Variants in PTPRK observed in about 807,000 individuals in gnomAD.
The protein encoded by PTPRK is protein tyrosine phosphatase receptor type K.
In PTPRK, 75 loss-of-function variants were observed where a neutral mutation model predicts 178.0. The ratio of observed to expected loss-of-function variants is 0.42; its 90% CI spans 0.35 to 0.51. The LOEUF (loss-of-function observed/expected upper bound fraction) is 0.51, where lower values mean the gene tolerates loss of function less well. Among genes scored for constraint, PTPRK ranks in the 20% least tolerant of loss-of-function variants. The probability of loss-of-function intolerance (pLI) is 0.02; values close to 1 mark genes in which losing one functional copy is unlikely to be tolerated. For synonymous variants in PTPRK, 637 were observed against 620.6 expected, an observed-to-expected ratio of 1.03 and a Z score of -0.39; for missense variants, 1,441 against 1,797.8, an observed-to-expected ratio of 0.80 and a Z score of 3.59.
At chr6:128,034,383 T>C (rs1261889433) in intron 13 of PTPRK, among the ~76,000 whole-genome samples, 1 of 152,246 alleles carries the variant, frequency 6.6e-6, no homozygotes, top group Non-Finnish European at 1.5e-5. Flanking sequence ...CAATGTTTAA[T>C]ACAACTTCCC....
chr6:128,185,974 A>C (rs1029129365), intron 6 of PTPRK, among the ~76,000 whole-genome samples: 5 of 152,174 alleles, frequency 3.3e-5, no homozygotes, highest in African/African-American at 1.2e-4. Context: ...GATTGTATAA[A>C]AGTATAGTTT....
intron 2 of PTPRK, among the ~76,000 whole-genome samples, chr6:128,347,684 T>C (rs1832597889): frequency 6.6e-6 from 1 of 152,088 alleles, no homozygotes; most frequent in Non-Finnish European, 1.5e-5. Flanking sequence ...GCTCACTTAC[T>C]GTTTTTCCTC....
chr6:128,074,436 T>A (rs988664993), intron 11 of PTPRK, among the ~76,000 whole-genome samples: 1 of 152,050 alleles, frequency 6.6e-6, no homozygotes, highest in Admixed American at 6.6e-5. Flanking sequence ...TTATAATTTG[T>A]AATTATATTT....
chr6:128,142,536 A>G (rs1795920209), intron 7 of PTPRK, among the ~76,000 whole-genome samples: 1 of 151,550 alleles, frequency 6.6e-6, no homozygotes, highest in Non-Finnish European at 1.5e-5. Context: ...ATGGGTATAT[A>G]TAAAATATAT....
At chr6:128,176,810 C>T (rs1437656744) in intron 7 of PTPRK, among the ~76,000 whole-genome samples, 3 of 151,422 alleles carry the variant, frequency 2.0e-5, no homozygotes, top group Non-Finnish European at 3.0e-5. Flanking sequence ...AGTAATGAGT[C>T]AAATTAAATG....
intron 3 of PTPRK, among the ~76,000 whole-genome samples, chr6:128,245,846 C>T (rs1312044202): frequency 6.6e-6 from 1 of 152,144 alleles, no homozygotes; most frequent in African/African-American, 2.4e-5. Context: ...AACTCTGGTA[C>T]AGACCACTTT....
At chr6:128,314,007 C>G (rs973296470) in intron 3 of PTPRK, among the ~76,000 whole-genome samples, 1 of 152,088 alleles carries the variant, frequency 6.6e-6, no homozygotes. Context: ...CCTTTGACCT[C>G]TGTATCTGTC....
At chr6:127,984,806 T>A (rs1405193109) in intron 22 of PTPRK, among the ~76,000 whole-genome samples, 2 of 152,228 alleles carry the variant, frequency 1.3e-5, no homozygotes, top group Non-Finnish European at 2.9e-5. Context: ...GAGACAGGAA[T>A]GTAATTTAAG....
chr6:128,317,788 G>A (rs1828219229), intron 3 of PTPRK, among the ~76,000 whole-genome samples: 1 of 152,048 alleles, frequency 6.6e-6, no homozygotes, highest in Non-Finnish European at 1.5e-5. Flanking sequence ...TATTATCAGG[G>A]AGGAACATCT....
At chr6:128,103,553 G>C (rs1457555112) in intron 7 of PTPRK, among the ~76,000 whole-genome samples, 1 of 152,096 alleles carries the variant, frequency 6.6e-6, no homozygotes, top group African/African-American at 2.4e-5. Context: ...TCCCCCTCCT[G>C]TAAGGGGTTT....
chr6:127,974,959 A>T (rs1306667945), intron 27 of PTPRK, among the ~76,000 whole-genome samples: 1 of 152,206 alleles, frequency 6.6e-6, no homozygotes, highest in African/African-American at 2.4e-5. Flanking sequence ...ATCATATCAG[A>T]TTGGCAAGAG....
At chr6:128,063,655 T>C (rs1781252864) in intron 13 of PTPRK, 1 of 152,252 alleles carries the variant, frequency 6.6e-6, no homozygotes, top group Admixed American at 6.5e-5. Context: ...TATCTGTGTA[T>C]ATTTTCTCTT....
chr6:128,520,142 C>G, intron 1 of PTPRK, 117 bp downstream of exon 1: 2 of 890,572 alleles, frequency 2.2e-6, no homozygotes, highest in Non-Finnish European at 3.4e-6. Context: ...GTGTTCCCCA[C>G]CCCCGGACAG....
At chr6:128,505,399 C>A (rs1328346390) in intron 1 of PTPRK, among the ~76,000 whole-genome samples, 1 of 151,708 alleles carries the variant, frequency 6.6e-6, no homozygotes, top group African/African-American at 2.4e-5. Flanking sequence ...TGAGATCGTG[C>A]CATTGCACTC....
At chr6:128,486,619 C>T (rs1421024481) in intron 1 of PTPRK, among the ~76,000 whole-genome samples, 1 of 151,988 alleles carries the variant, frequency 6.6e-6, no homozygotes, top group Non-Finnish European at 1.5e-5. Context: ...GCCTGGGCAA[C>T]ATGGTGAAAC....
intron 13 of PTPRK, among the ~76,000 whole-genome samples, chr6:128,042,638 C>T (rs57363922): frequency 0.034 from 5,098 of 152,140 alleles, 288 homozygotes; most frequent in African/African-American, 0.12. Flanking sequence ...ACTTTTCCAT[C>T]TCAAGATCCT....
At chr6:128,511,734 A>G (rs1295996339) in intron 1 of PTPRK, among the ~76,000 whole-genome samples, 1 of 152,212 alleles carries the variant, frequency 6.6e-6, no homozygotes, top group African/African-American at 2.4e-5. Context: ...AGAAATGTCT[A>G]ATCTTTAAAC....
intron 17 of PTPRK, among the ~76,000 whole-genome samples, chr6:127,996,668 G>T (rs946381953): frequency 6.6e-6 from 1 of 151,942 alleles, no homozygotes; most frequent in Non-Finnish European, 1.5e-5. Context: ...ATAGAGTTTT[G>T]CCATGTTGGC....
intron 7 of PTPRK, among the ~76,000 whole-genome samples, chr6:128,129,664 G>T (rs1340250425): frequency 6.6e-6 from 1 of 152,114 alleles, no homozygotes; most frequent in Non-Finnish European, 1.5e-5. Flanking sequence ...TAAAAACAGT[G>T]TGTACAGACG....
Sources: gnomAD v4.1 joint callset for allele counts (sites outside exome capture counted in the v4.1 genomes callset) on GRCh38, gnomAD v4.1.1 for gene constraint, MANE v1.5 for transcripts, NCBI Gene and HGNC (gene_info 2026-07-23, HGNC 2026-07-21) for gene names.